The following HOMER1 variants were observed in gnomAD, a reference collection of about 807,000 sequenced individuals.
The protein encoded by HOMER1 is homer scaffold protein 1.
In HOMER1, 3 loss-of-function variants were observed where a neutral mutation model predicts 48.9. The ratio of observed to expected loss-of-function variants is 0.06; its 90% CI spans 0.03 to 0.16. The LOEUF (loss-of-function observed/expected upper bound fraction) is 0.16, where lower values mean the gene tolerates loss of function less well. Among genes scored for constraint, HOMER1 ranks in the 10% least tolerant of loss-of-function variants. The pLI is 1.00. For missense variants in HOMER1, 247 were observed against 411.4 expected, an observed-to-expected ratio of 0.60 and a Z score of 3.46; for synonymous variants, 134 against 146.4, an observed-to-expected ratio of 0.92 and a Z score of 0.61.
At chr5:79,463,653 A>G (rs569829909) in intron 1 of HOMER1, among the ~76,000 whole-genome samples, 13 of 152,326 alleles carry the variant, frequency 8.5e-5, no homozygotes, top group South Asian at 4.1e-4. Flanking sequence ...TGCCCCCCCA[A>G]TACTGTAATT....
In HOMER1 at chr5:79,375,391, C is replaced by T. The variant is rs1032742990; in HGVS notation, c.*618G>A. On this transcript the variant is annotated 3_prime_UTR_variant, in exon 9 of 9. Coordinates refer to ENST00000334082, the MANE Select transcript of HOMER1 (RefSeq NM_004272.5). ...ACACCAGAGTGTACCAGAGTAGTCA[C>T]CAGAGTGAAATATCTTCCAGCACAA... is the stretch of plus-strand genomic sequence containing the variant. 3 of 151,998 alleles carry T rather than the reference C, an allele frequency of 2.0e-5. No homozygotes were observed. The highest frequency in any genetic ancestry group is 4.4e-5 in the Non-Finnish European group (3 of 67,926). 9.4% of individuals were successfully genotyped at this position (151,998 alleles called of 1,614,324 possible).
chr5:79,512,688 C>T, intron 1 of HOMER1, 82 bp downstream of exon 1: 1 of 1,358,958 alleles, frequency 7.4e-7, no homozygotes, highest in Non-Finnish European at 1.0e-6. Context: ...TGTTTGAAAA[C>T]ACAAAACACA....
chr5:79,456,353 G>C (rs1014392384), intron 2 of HOMER1, among the ~76,000 whole-genome samples: 5 of 152,190 alleles, frequency 3.3e-5, no homozygotes, highest in African/African-American at 9.7e-5. Flanking sequence ...AACCCAGGCA[G>C]TCCTTGCTCC....
intron 1 of HOMER1, among the ~76,000 whole-genome samples, chr5:79,471,976 C>G (rs1166723988): frequency 6.6e-6 from 1 of 152,196 alleles, no homozygotes; most frequent in African/African-American, 2.4e-5. Context: ...AAATTGCAGT[C>G]CCTTCCAGGA....
chr5:79,512,874 C>A lies in HOMER1; in HGVS notation c.-100G>T. 9.3e-7 allele frequency: 1 copy of A among 1,073,412 alleles called. No homozygotes were observed. Among genetic ancestry groups the A allele is most frequent in the Non-Finnish European group, 1.4e-6 (1 of 693,250 alleles). The allele number at this position is 1,073,412 out of a possible 1,614,324, so 66.5% of individuals were successfully genotyped here. A position where few individuals can be genotyped will look rare whatever the true frequency, so the allele number is the denominator to read the frequency against. ...TGCTATTTCGCAGTTGCTTTTCCAC[C>A]CCCACCCCCAGATCCTTGTCCGGAG... On this transcript the variant is annotated 5_prime_UTR_variant, in exon 1 of 9. Transcript: ENST00000334082.
Position 79,444,891 on chromosome 5 carries a change from G to A in HOMER1, c.387+2162C>T, listed in dbSNP as rs79175489. ...CAGCACTTAGAGAAGACAGATTCAA[G>A]AGAAGTTTCAAATGATCATCAAAGT... On this transcript the variant is annotated intron_variant, in intron 4 of 8. Coordinates refer to ENST00000334082, the MANE Select transcript of HOMER1 (RefSeq NM_004272.5). 0.012 allele frequency among the ~76,000 whole-genome samples: 1,871 copies of A among 152,288 alleles called. 90 individuals are homozygous for A. The East Asian group carries it at 0.19, about 15-fold the overall frequency.
intron 1 of HOMER1, among the ~76,000 whole-genome samples, chr5:79,496,386 C>T (rs2112365779): frequency 6.6e-6 from 1 of 152,332 alleles, no homozygotes; most frequent in East Asian, 1.9e-4. Flanking sequence ...CCATTCCTGG[C>T]TTTCAGATTA....
chr5:79,410,743 A>G (rs1031044370), intron 5 of HOMER1, among the ~76,000 whole-genome samples: 1 of 152,128 alleles, frequency 6.6e-6, no homozygotes, highest in Non-Finnish European at 1.5e-5. Context: ...CTAAGATATC[A>G]CATTTCTCCT....
intron 8 of HOMER1, among the ~76,000 whole-genome samples, chr5:79,389,847 T>C (rs1054877239): frequency 2.0e-5 from 3 of 152,148 alleles, no homozygotes; most frequent in Non-Finnish European, 4.4e-5. Context: ...ATGTAGATGA[T>C]AGTTAAAAAA....
intron 1 of HOMER1, among the ~76,000 whole-genome samples, chr5:79,508,799 T>C (rs1471873038): frequency 6.6e-6 from 1 of 152,178 alleles, no homozygotes; most frequent in Non-Finnish European, 1.5e-5. Flanking sequence ...AAAATTTCAT[T>C]GCACATTTTA....
chr5:79,460,957 G>A (rs1481227510), intron 1 of HOMER1, among the ~76,000 whole-genome samples: 2 of 152,178 alleles, frequency 1.3e-5, no homozygotes, highest in Admixed American at 6.5e-5. Context: ...GTCTAAGATT[G>A]GGGAAGTGGA....
At chr5:79,498,219 G>A (rs1246852422) in intron 1 of HOMER1, among the ~76,000 whole-genome samples, 1 of 152,072 alleles carries the variant, frequency 6.6e-6, no homozygotes, top group African/African-American at 2.4e-5. Context: ...TGACCAACAT[G>A]GAGAAACCCG....
At chr5:79,466,797 A>C (rs984951462) in intron 1 of HOMER1, among the ~76,000 whole-genome samples, 7 of 152,050 alleles carry the variant, frequency 4.6e-5, no homozygotes, top group Middle Eastern at 3.4e-3. Context: ...AGTTCTTAAA[A>C]ACTATTTTTT....
chr5:79,419,495 T>C (rs1413464566), intron 5 of HOMER1, among the ~76,000 whole-genome samples: 1 of 151,980 alleles, frequency 6.6e-6, no homozygotes, highest in African/African-American at 2.4e-5. Context: ...GTAAAAGTTT[T>C]ATGAGCTTGT....
intron 1 of HOMER1, among the ~76,000 whole-genome samples, chr5:79,462,162 G>C (rs531161871): frequency 7.2e-5 from 11 of 152,204 alleles, no homozygotes; most frequent in African/African-American, 2.4e-4. Flanking sequence ...TCACGCCACT[G>C]CACCCCCAGC....
intron 5 of HOMER1, among the ~76,000 whole-genome samples, chr5:79,415,209 A>G (rs532108860): frequency 6.7e-6 from 1 of 149,236 alleles, no homozygotes; most frequent in South Asian, 2.1e-4. Flanking sequence ...AAGTGCCACC[A>G]CGCCTGGCTA....
intron 1 of HOMER1, among the ~76,000 whole-genome samples, chr5:79,512,327 T>A (rs1017756215): frequency 6.6e-6 from 1 of 152,228 alleles, no homozygotes; most frequent in African/African-American, 2.4e-5. Flanking sequence ...AACAATTTAC[T>A]CTGGATCACT....
chr5:79,511,446 G>A (rs1285130508), intron 1 of HOMER1, among the ~76,000 whole-genome samples: 1 of 152,170 alleles, frequency 6.6e-6, no homozygotes, highest in Admixed American at 6.5e-5. Flanking sequence ...TTACAGTTTG[G>A]AGAAATCTTT....
intron 4 of HOMER1, among the ~76,000 whole-genome samples, chr5:79,444,373 G>A (rs192021883): frequency 6.6e-6 from 1 of 152,192 alleles, no homozygotes; most frequent in East Asian, 1.9e-4. Context: ...GCTGATAAAT[G>A]CTTTTTAAAA....
Sources: gnomAD v4.1 joint callset for allele counts (sites outside exome capture counted in the v4.1 genomes callset) on GRCh38, gnomAD v4.1.1 for gene constraint, MANE v1.5 for transcripts, NCBI Gene and HGNC (gene_info 2026-07-23, HGNC 2026-07-21) for gene names.